ERI2: variants seen among roughly 807,000 people sequenced by gnomAD.
The protein encoded by ERI2 is ERI1 exoribonuclease 2.
A neutral mutation model predicts 46.8 loss-of-function variants in ERI2; 35 were observed. The ratio of observed to expected loss-of-function variants is 0.75; its 90% confidence interval spans 0.57 to 0.99. ERI2 has a LOEUF of 0.99. Ranked by LOEUF, ERI2 falls within the 50% of genes least tolerant of loss-of-function variation. ERI2 has a pLI of 0.00. For missense variants in ERI2, 695 were observed against 796.2 expected (o/e 0.87, Z 1.53); for synonymous variants, 224 against 271.0 (o/e 0.83, Z 1.70).
intron 10 of ERI2, among the ~76,000 whole-genome samples, chr16:20,785,871 GAT>G (rs1237742753): frequency 1.3e-5 from 2 of 152,078 alleles, no homozygotes; most frequent in African/African-American, 2.4e-5. Context: ...GATAAATATG[GAT>G]ATATGAGTAA....
At chr16:20,802,187 T>A (rs1339280781) in intron 4 of ERI2, among the ~76,000 whole-genome samples, 1 of 151,228 alleles carries the variant, frequency 6.6e-6, no homozygotes, top group Non-Finnish European at 1.5e-5. Flanking sequence ...ATTAAAAATA[T>A]AAAAATTAGC....
At chr16:20,780,653 C>T in exon 11 of ERI2, 2 of 1,613,708 alleles carry the variant, frequency 1.2e-6, no homozygotes, top group Non-Finnish European at 1.7e-6. Flanking sequence ...CAAAATTTTT[C>T]AGTGGTAACA....
At chr16:20,789,138 G>A (rs1325419311) in intron 10 of ERI2, among the ~76,000 whole-genome samples, 1 of 152,124 alleles carries the variant, frequency 6.6e-6, no homozygotes, top group Non-Finnish European at 1.5e-5. Context: ...ATGCTAATCT[G>A]ATTTTTTTAA....
At position 20,797,666 on chromosome 16, in the gene ERI2, T is replaced by C. The variant is rs985498903; in HGVS notation, c.*58A>G. 3 of 1,451,284 alleles carry C rather than the reference T, an allele frequency of 2.1e-6. No homozygotes were observed. In the African/African-American group the frequency reaches 4.3e-5, roughly 21 times the overall value. The allele number at this position is 1,451,284 out of a possible 1,614,324, so 89.9% of individuals were successfully genotyped here. ...AAAAATAAAATAGTGTAAGATGTTA[T>C]CAGAATACTCATGTTTGGAAATTCA... On this transcript the variant is annotated 3_prime_UTR_variant, in exon 9 of 9. Transcript: ENST00000357967.
chr16:20,792,852 C>G (rs1183339244), downstream of ERI2: 1 of 399,788 alleles, frequency 2.5e-6, no homozygotes, highest in Non-Finnish European at 3.4e-6. Flanking sequence ...TCCTGAAAGC[C>G]CATTCCTATT....
chr16:20,804,229 A>G (rs1033290719), intron 1 of ERI2, among the ~76,000 whole-genome samples: 1 of 152,052 alleles, frequency 6.6e-6, no homozygotes, highest in African/African-American at 2.4e-5. Context: ...CAATCATTTG[A>G]TTGTAGAGGT....
At chr16:20,792,603 G>T (rs1383785567), downstream of ERI2, 3 of 985,332 alleles carry the variant, frequency 3.0e-6, no homozygotes, top group Non-Finnish European at 3.6e-6. Context: ...GGCAAAGATG[G>T]TGTGAATGCC....
intron 5 of ERI2, 88 bp from the exon 6 acceptor site, chr16:20,800,490 A>G (rs2080784551): frequency 5.4e-6 from 4 of 745,482 alleles, no homozygotes; most frequent in Non-Finnish European, 9.1e-6. Context: ...GAATGCTAGA[A>G]GATCATATAA....
intron 1 of ERI2, 177 bp downstream of exon 1, chr16:20,806,231 G>A (rs1333651566): frequency 7.1e-7 from 1 of 1,412,796 alleles, no homozygotes; most frequent in Admixed American, 3.0e-5. Flanking sequence ...CAAGGCTGAA[G>A]ACCGAGGTCC....
Position 20,803,596 on chromosome 16 carries a change from T to TA in ERI2, c.91+6dup, listed in dbSNP as rs761717809. On this transcript the variant is annotated splice_region_variant and intron_variant, in intron 2 of 8. Coordinates refer to ENST00000357967, the MANE Select transcript of ERI2 (RefSeq NM_001142725.2). ...CAAAATGCAAAGAAACTAAGCATAC[T>TA]ACTCACTGGATTTGCTTCTTCCGAG... 115 of 1,614,178 alleles carry TA rather than the reference T, an allele frequency of 7.1e-5. No homozygotes were observed. Among genetic ancestry groups the TA allele is most frequent in the Non-Finnish European group, 9.4e-5 (111 of 1,180,022 alleles).
downstream of ERI2, chr16:20,792,119 T>C (rs756289558): frequency 4.3e-6 from 7 of 1,614,166 alleles, no homozygotes; most frequent in South Asian, 6.6e-5. Context: ...TGATGTCATA[T>C]TATCCTCTGG....
chr16:20,797,239 GA>G lies in ERI2; in HGVS notation c.*484del. 1 of 1,132,048 alleles carries G rather than the reference GA, an allele frequency of 8.8e-7. No homozygotes were observed. The highest frequency in any genetic ancestry group is 1.1e-6 in the Non-Finnish European group (1 of 927,012). 70.1% of individuals were successfully genotyped at this position (1,132,048 alleles called of 1,614,324 possible). On this transcript the variant is annotated 3_prime_UTR_variant, in exon 9 of 9. Coordinates refer to ENST00000357967, the MANE Select transcript of ERI2 (RefSeq NM_001142725.2). ...GATTAATTTTTAAATGTATAGTATA[GA>G]AGCAGTTTCTGAACCAGATCTCTGC...
chr16:20,783,115 A>G (rs2080389662), intron 10 of ERI2: 1 of 152,130 alleles, frequency 6.6e-6, no homozygotes, highest in African/African-American at 2.4e-5. Flanking sequence ...CTTGTGACCA[A>G]CCCCTATACG....
chr16:20,800,145 T>C, intron 6 of ERI2, 107 bp from the exon 7 acceptor site: 1 of 885,910 alleles, frequency 1.1e-6, no homozygotes, highest in Admixed American at 2.5e-5. Flanking sequence ...ATGTGCTTAT[T>C]TTTTGTGTGT....
In ERI2 at chr16:20,799,595, A is replaced by G. The variant is rs2080774233; in HGVS notation, c.644-244T>C. On this transcript the variant is annotated intron_variant, in intron 7 of 8. Transcript: ENST00000357967. Reference sequence around the variant, plus strand: ...AGGAGGATATGAAAATGTATTAGACAGTTCCCCAAAATGTGGCCAGCGTTC... The same window carrying G: ...AGGAGGATATGAAAATGTATTAGACGGTTCCCCAAAATGTGGCCAGCGTTC... 3 of 500,932 alleles carry G rather than the reference A, an allele frequency of 6.0e-6. No individual in the cohort carries two copies. In the Admixed American group the frequency reaches 1.1e-4, roughly 19 times the overall value. 31.0% of individuals were successfully genotyped at this position (500,932 alleles called of 1,614,324 possible).
Position 20,797,128 on chromosome 16 carries a change from T to C in ERI2, c.*596A>G, listed in dbSNP as rs955917785. ...TGGTTATGATATCAGAGGCTAAATT[T>C]TGAAATAAAATATTTGGCAAATTCC... On this transcript the variant is annotated 3_prime_UTR_variant, in exon 9 of 9. Transcript: ENST00000357967. The C allele has an allele frequency of 7.3e-6, 10 of 1,371,290 alleles. No homozygotes were observed. In the African/African-American group the frequency reaches 1.1e-4, roughly 14 times the overall value. 84.9% of individuals were successfully genotyped at this position (1,371,290 alleles called of 1,614,324 possible).
chr16:20,789,989 C>T (rs1030975126), intron 9 of ERI2, among the ~76,000 whole-genome samples: 2 of 151,462 alleles, frequency 1.3e-5, no homozygotes, highest in Admixed American at 6.6e-5. Flanking sequence ...TCCTATTTTT[C>T]GATTTATCTA....
intron 10 of ERI2, among the ~76,000 whole-genome samples, chr16:20,787,330 T>C (rs775865913): frequency 2.6e-5 from 4 of 152,174 alleles, no homozygotes; most frequent in Non-Finnish European, 4.4e-5. Context: ...CATTGTAAAG[T>C]TGGGAAATAG....
chr16:20,781,000 A>C, intron 10 of ERI2: 1 of 1,614,186 alleles, frequency 6.2e-7, no homozygotes, highest in Non-Finnish European at 8.5e-7. Flanking sequence ...ACACCCTCAG[A>C]TGTGATGTGG....
Sources: gnomAD v4.1 joint callset for allele counts (sites outside exome capture counted in the v4.1 genomes callset) on GRCh38, gnomAD v4.1.1 for gene constraint, MANE v1.5 for transcripts, NCBI Gene and HGNC (gene_info 2026-07-23, HGNC 2026-07-21) for gene names.